GRM3: variants seen among roughly 807,000 people sequenced by gnomAD.
GRM3 encodes glutamate metabotropic receptor 3.
In GRM3, 26 loss-of-function variants were observed where a neutral mutation model predicts 70.5. That is an observed-to-expected ratio of 0.37 (90% CI 0.27 to 0.51). The LOEUF (loss-of-function observed/expected upper bound fraction) is 0.51, where lower values mean the gene tolerates loss of function less well. GRM3 is among the 20% of genes least tolerant of loss of function. The pLI is 0.93. For synonymous variants in GRM3, 443 were observed against 434.9 expected (o/e 1.02, Z -0.23); for missense variants, 859 against 1,123.8 (o/e 0.76, Z 3.37).
intron 1 of GRM3, among the ~76,000 whole-genome samples, chr7:86,704,461 A>C (rs982282076): frequency 7.9e-5 from 12 of 152,052 alleles, no homozygotes; most frequent in East Asian, 1.9e-4. Context: ...ACTATGAACA[A>C]AAACATACTT....
chr7:86,656,516 G>C (rs1248163973), intron 1 of GRM3, among the ~76,000 whole-genome samples: 2 of 151,996 alleles, frequency 1.3e-5, no homozygotes, highest in East Asian at 3.9e-4. Flanking sequence ...TGATCCACCT[G>C]CCTTGGCCTC....
intron 1 of GRM3, among the ~76,000 whole-genome samples, chr7:86,669,568 C>T (rs1794119558): frequency 6.6e-6 from 1 of 152,178 alleles, no homozygotes; most frequent in South Asian, 2.1e-4. Context: ...GAGTTCCTGT[C>T]TTCATTGTAG....
chr7:86,668,199 G>A (rs1237441072), intron 1 of GRM3, among the ~76,000 whole-genome samples: 1 of 151,980 alleles, frequency 6.6e-6, no homozygotes, highest in Non-Finnish European at 1.5e-5. Flanking sequence ...TACTGTTTCA[G>A]ATATTCTCCT....
At chr7:86,722,579 G>C (rs570359620) in intron 1 of GRM3, among the ~76,000 whole-genome samples, 108 of 144,236 alleles carry the variant, frequency 7.5e-4, no homozygotes, top group Middle Eastern at 3.4e-3. Flanking sequence ...GGAAGGCAGG[G>C]GGGCATCACA....
At chr7:86,756,405 G>C (rs1351670884) in intron 1 of GRM3, among the ~76,000 whole-genome samples, 1 of 152,078 alleles carries the variant, frequency 6.6e-6, no homozygotes, top group African/African-American at 2.4e-5. Flanking sequence ...GATTGTGTAA[G>C]TCTACTAATT....
intron 1 of GRM3, among the ~76,000 whole-genome samples, chr7:86,730,877 G>A (rs543056429): frequency 9.9e-5 from 15 of 152,168 alleles, no homozygotes; most frequent in Middle Eastern, 3.4e-3. Flanking sequence ...TCATTTTCAC[G>A]GAATCTGCTA....
intron 1 of GRM3, among the ~76,000 whole-genome samples, chr7:86,731,743 T>A (rs575770541): frequency 3.9e-5 from 6 of 152,320 alleles, no homozygotes; most frequent in African/African-American, 1.4e-4. Flanking sequence ...CTGTGTCATG[T>A]TCCAGGAATA....
rs191690537 is a variant in GRM3 at position 86,806,676 on chromosome 7, T to G, written c.1324+19560T>G. 8.5e-5 allele frequency among the ~76,000 whole-genome samples: 13 copies of G among 152,300 alleles called. No individual in the cohort carries two copies. In the East Asian group the frequency reaches 2.1e-3, roughly 25 times the overall value. On this transcript the variant is annotated intron_variant, in intron 3 of 5. Coordinates refer to ENST00000361669, the MANE Select transcript of GRM3 (RefSeq NM_000840.3). ...TGTCAGATGGGTAGATTGCAAAAAT[T>G]TTCTCCCATTCTGTAGGTTGCCTGT...
intron 3 of GRM3, among the ~76,000 whole-genome samples, chr7:86,824,368 CAA>C (rs1160856031): frequency 6.6e-6 from 1 of 152,136 alleles, no homozygotes; most frequent in African/African-American, 2.4e-5. Context: ...AGCTCCTGTC[CAA>C]AATTCTTTCT....
intron 4 of GRM3, among the ~76,000 whole-genome samples, chr7:86,843,270 T>C (rs998487984): frequency 6.6e-6 from 1 of 152,192 alleles, no homozygotes. Flanking sequence ...AAACAGAGCA[T>C]AATGACCTTC....
At chr7:86,652,561 C>G (rs892281561) in intron 1 of GRM3, among the ~76,000 whole-genome samples, 1 of 152,130 alleles carries the variant, frequency 6.6e-6, no homozygotes, top group Non-Finnish European at 1.5e-5. Context: ...GAACTCCTGA[C>G]CTCATGATCC....
chr7:86,844,073 C>A (rs2116752145), intron 4 of GRM3, among the ~76,000 whole-genome samples: 1 of 152,218 alleles, frequency 6.6e-6, no homozygotes, highest in South Asian at 2.1e-4. Context: ...GGGGTTGGAG[C>A]AGATGAAACA....
intron 1 of GRM3, among the ~76,000 whole-genome samples, chr7:86,725,586 A>G (rs1209569366): frequency 6.6e-6 from 1 of 152,196 alleles, no homozygotes; most frequent in Non-Finnish European, 1.5e-5. Context: ...TCAACAATAC[A>G]GCAGCAAAGT....
intron 1 of GRM3, among the ~76,000 whole-genome samples, chr7:86,713,478 A>G (rs936272608): frequency 6.6e-6 from 1 of 152,000 alleles, no homozygotes; most frequent in Non-Finnish European, 1.5e-5. Context: ...CTGTGCTAAC[A>G]GTTTCCCCAT....
intron 1 of GRM3, among the ~76,000 whole-genome samples, chr7:86,679,205 A>G (rs1421615210): frequency 6.6e-6 from 1 of 152,090 alleles, no homozygotes; most frequent in Non-Finnish European, 1.5e-5. Context: ...GGCATATCAT[A>G]TCTGTAGATG....
intron 2 of GRM3, among the ~76,000 whole-genome samples, chr7:86,784,842 G>A (rs1043407830): frequency 2.0e-4 from 31 of 152,186 alleles, no homozygotes; most frequent in African/African-American, 7.0e-4. Flanking sequence ...AGCAGGATTG[G>A]AAAAGATATA....
intron 2 of GRM3, among the ~76,000 whole-genome samples, chr7:86,780,280 T>A (rs557320671): frequency 6.6e-6 from 1 of 152,330 alleles, no homozygotes; most frequent in Admixed American, 6.5e-5. Flanking sequence ...TAGTTCTAGA[T>A]CCCTGTATGC....
intron 3 of GRM3, among the ~76,000 whole-genome samples, chr7:86,807,746 T>C (rs1285281885): frequency 6.6e-6 from 1 of 152,096 alleles, no homozygotes; most frequent in Non-Finnish European, 1.5e-5. Flanking sequence ...TTTCTTTCTC[T>C]CGCCTGATTG....
chr7:86,826,604 T>G (rs1015773391), intron 3 of GRM3, among the ~76,000 whole-genome samples: 5 of 152,152 alleles, frequency 3.3e-5, no homozygotes, highest in African/African-American at 4.8e-5. Flanking sequence ...CAAGACTAGG[T>G]AATAGTAACC....
Sources: allele counts gnomAD v4.1 joint callset (sites outside exome capture counted in the v4.1 genomes callset), GRCh38; gene constraint gnomAD v4.1.1; transcripts MANE v1.5; gene names NCBI Gene and HGNC (gene_info 2026-07-23, HGNC 2026-07-21).